Variants in COL14A1 observed in about 807,000 individuals in gnomAD.
The protein encoded by COL14A1 is collagen type XIV alpha 1 chain, also known as collagen alpha-1(XIV) chain.
A neutral mutation model predicts 230.3 loss-of-function variants in COL14A1; 136 were observed. The ratio of observed to expected loss-of-function variants is 0.59; its 90% CI spans 0.51 to 0.68. The LOEUF is 0.68. COL14A1 is among the 30% of genes least tolerant of loss of function. The pLI is 0.00. For synonymous variants in COL14A1, 792 were observed against 784.1 expected, an observed-to-expected ratio of 1.01 and a Z score of -0.17; for missense variants, 1,976 against 2,215.8, an observed-to-expected ratio of 0.89 and a Z score of 2.17.
chr8:120,238,391 A>G (rs1026748797), intron 19 of COL14A1, among the ~76,000 whole-genome samples: 1 of 152,158 alleles, frequency 6.6e-6, no homozygotes, highest in African/African-American at 2.4e-5. Context: ...ACTTCCAGGC[A>G]GCTTTGTTTA....
chr8:120,217,889 G>A lies in COL14A1; in HGVS notation c.1737+1399G>A, dbSNP rs944210839. Among the ~76,000 whole-genome samples, 17 of 149,848 alleles carry A rather than the reference G, an allele frequency of 1.1e-4. No homozygotes were observed. The East Asian group carries it at 3.1e-3, about 27-fold the overall frequency. ...GCATGCCATTAAATCTGTAGAAGCA[G>A]ACACACCTGCAAAGAAATACTCTAT... On this transcript the variant is annotated intron_variant, in intron 14 of 47. Coordinates refer to ENST00000297848, the MANE Select transcript of COL14A1 (RefSeq NM_021110.4).
chr8:120,250,780 C>T lies in COL14A1; in HGVS notation c.2752+14C>T, dbSNP rs57825300. On this transcript the variant is annotated intron_variant, in intron 22 of 47. Coordinates refer to ENST00000297848, the MANE Select transcript of COL14A1 (RefSeq NM_021110.4). ...TGGTGAAAACATGTAAGAGCCATTT[C>T]CGATGGCCTCAGCCGCATATGGGTT... 358 of 1,613,514 alleles carry T rather than the reference C, an allele frequency of 2.2e-4. 3 individuals carry two copies. The East Asian group carries it at 6.8e-3, about 30-fold the overall frequency.
chr8:120,268,665 A>G (rs1586818784), intron 25 of COL14A1, among the ~76,000 whole-genome samples: 2 of 151,876 alleles, frequency 1.3e-5, no homozygotes, highest in Middle Eastern at 3.4e-3. Context: ...TTAAAGTAAT[A>G]CTAAATATTT....
chr8:120,320,388 T>C (rs931325907), intron 40 of COL14A1, among the ~76,000 whole-genome samples: 1 of 151,992 alleles, frequency 6.6e-6, no homozygotes, highest in Non-Finnish European at 1.5e-5. Context: ...AAGTTAAAAA[T>C]TTTTTTTCTT....
In COL14A1 at chr8:120,199,540, A is replaced by T. The variant is rs777107602; in HGVS notation, c.851A>T (p.Glu284Val). The change falls in exon 8 of 48, where the codon GAG becomes GTG. Residue 284 changes from glutamate (E) to valine (V), a missense_variant. Coordinates refer to ENST00000297848, the MANE Select transcript of COL14A1 (RefSeq NM_021110.4). ...DIIPPSRNLR[E>V]SGVELFAIGV... The stretch of plus-strand genomic sequence containing the variant: ...ATTCCACCATCTAGAAATCTTCGTG[A>T]GTCTGGTGTAGAACTGTTTGCCATA... 6.2e-7 allele frequency: 1 copy of T among 1,612,938 alleles called. No homozygotes were observed. Among genetic ancestry groups the T allele is most frequent in the South Asian group, 1.1e-5 (1 of 90,740 alleles).
chr8:120,365,338 C>T (rs557227940), intron 45 of COL14A1, among the ~76,000 whole-genome samples: 9 of 152,274 alleles, frequency 5.9e-5, no homozygotes, highest in East Asian at 1.9e-4. Context: ...TGAGTCACCA[C>T]GCTCTTAATC....
rs148944765 is a variant in COL14A1, at chr8:120,209,766, G to A, written c.1332G>A (p.Pro444=). The A allele has an allele frequency of 6.2e-6, 10 of 1,606,008 alleles. No homozygotes were observed. The highest frequency in any genetic ancestry group is 2.2e-5 in the East Asian group (1 of 44,694). The part of the protein sequence containing the change: ...LRGTETTLAL[P]MASDLLLYDV... ...AAAAATCTCTTGCAGTTGCTTTACC[G>A]ATGGCTTCTGACCTTCTACTGTACG... Residue 444 remains proline, a synonymous_variant, in exon 12 of 48, where the codon CCG becomes CCA. Coordinates refer to ENST00000297848, the MANE Select transcript of COL14A1 (RefSeq NM_021110.4).
At chr8:120,300,606 C>G (rs1228550014) in intron 35 of COL14A1, 126 bp from the exon 36 acceptor site, 8 of 721,324 alleles carry the variant, frequency 1.1e-5, no homozygotes, top group Non-Finnish European at 1.9e-5. Context: ...AGTGAATATT[C>G]TCTGCCTTTC....
At chr8:120,214,749 A>C (rs889280422) in intron 13 of COL14A1, among the ~76,000 whole-genome samples, 25 of 147,786 alleles carry the variant, frequency 1.7e-4, no homozygotes, top group African/African-American at 6.1e-4. Context: ...TGGGGGAGAG[A>C]GACAATAAGC....
rs1294694462 is a variant in COL14A1 at position 120,285,222 on chromosome 8, G to C, written c.3968-639G>C. On this transcript the variant is annotated intron_variant, in intron 32 of 47. Transcript: ENST00000297848. Reference sequence around the variant, plus strand: ...TAATCCCAGCACTTTGGGATGCTGAGGTGGGCAGATCATGAGGTCAGGAGA... The same window carrying C: ...TAATCCCAGCACTTTGGGATGCTGACGTGGGCAGATCATGAGGTCAGGAGA... Among the ~76,000 whole-genome samples, 4 of 151,848 alleles carry C rather than the reference G, an allele frequency of 2.6e-5. No homozygotes were observed. In the South Asian group the frequency reaches 6.2e-4, roughly 24 times the overall value.
chr8:120,300,927 A>G (rs1820691426), intron 36 of COL14A1, 109 bp downstream of exon 36: 1 of 827,476 alleles, frequency 1.2e-6, no homozygotes, highest in South Asian at 1.7e-5. Flanking sequence ...TACTCACTTA[A>G]TTGTAGGAAT....
chr8:120,155,283 C>T (rs1370221228), intron 2 of COL14A1, among the ~76,000 whole-genome samples: 1 of 152,178 alleles, frequency 6.6e-6, no homozygotes, highest in South Asian at 2.1e-4. Context: ...TTTGCTTCAA[C>T]AGTTTTACAC....
chr8:120,140,584 A>G (rs1329758803), intron 1 of COL14A1, among the ~76,000 whole-genome samples: 4 of 152,232 alleles, frequency 2.6e-5, no homozygotes, highest in Non-Finnish European at 5.9e-5. Flanking sequence ...GTAAGTCACC[A>G]ACGATTGAAT....
At chr8:120,172,473 T>TA (rs1467722121) in intron 5 of COL14A1, among the ~76,000 whole-genome samples, 28 of 152,252 alleles carry the variant, frequency 1.8e-4, no homozygotes, top group African/African-American at 6.7e-4. Flanking sequence ...TCGTTGCTTG[T>TA]TTATACTGAC....
intron 28 of COL14A1, among the ~76,000 whole-genome samples, chr8:120,279,607 A>G (rs1428287364): frequency 6.6e-6 from 1 of 151,290 alleles, no homozygotes; most frequent in East Asian, 1.9e-4. Context: ...AGTATATTTC[A>G]TACCATAAAT....
intron 37 of COL14A1, among the ~76,000 whole-genome samples, chr8:120,310,495 G>GT (rs1563731008): frequency 6.6e-6 from 1 of 152,170 alleles, no homozygotes; most frequent in African/African-American, 2.4e-5. Flanking sequence ...ACACAACTCT[G>GT]TTTTTCATTC....
intron 14 of COL14A1, among the ~76,000 whole-genome samples, chr8:120,219,776 C>T (rs753080837): frequency 6.6e-6 from 1 of 152,080 alleles, no homozygotes; most frequent in Non-Finnish European, 1.5e-5. Flanking sequence ...TTGTTGAGAA[C>T]ATATGTTTGG....
chr8:120,300,929 T>TC, intron 36 of COL14A1, 111 bp downstream of exon 36: 1 of 825,662 alleles, frequency 1.2e-6, no homozygotes, highest in Non-Finnish European at 2.0e-6. Context: ...CTCACTTAAT[T>TC]GTAGGAATGC....
intron 45 of COL14A1, among the ~76,000 whole-genome samples, chr8:120,364,574 TATA>T (rs1320493433): frequency 6.6e-6 from 1 of 152,130 alleles, no homozygotes; most frequent in Non-Finnish European, 1.5e-5. Context: ...TAGTTTGTAA[TATA>T]ATAACTTGAA....
Sources: gnomAD v4.1 joint callset for allele counts (sites outside exome capture counted in the v4.1 genomes callset) on GRCh38, gnomAD v4.1.1 for gene constraint, MANE v1.5 for transcripts, NCBI Gene and HGNC (gene_info 2026-07-23, HGNC 2026-07-21) for gene names.